Variants in NUTM2E observed in about 807,000 individuals in gnomAD.
NUTM2E encodes NUT family member 2E.
A neutral mutation model predicts 26.1 loss-of-function variants in NUTM2E; 3 were observed. The observed-to-expected ratio is 0.12, with a 90% confidence interval of 0.05 to 0.30. The LOEUF (loss-of-function observed/expected upper bound fraction) is 0.30, where lower values mean the gene tolerates loss of function less well. Ranked by LOEUF, NUTM2E falls within the 10% of genes least tolerant of loss-of-function variation. The pLI is 1.00. For synonymous variants in NUTM2E, 13 were observed against 157.5 expected, an observed-to-expected ratio of 0.08 and a Z score of 6.87; for missense variants, 62 against 381.3, an observed-to-expected ratio of 0.16 and a Z score of 6.97.
chr10:79,830,296 T>A (rs1431044138), intron 1 of NUTM2E, among the ~76,000 whole-genome samples: 1 of 151,710 alleles, frequency 6.6e-6, no homozygotes, highest in Non-Finnish European at 1.5e-5. Context: ...TGCATCTGGA[T>A]GGTTAAAAAA....
Position 79,827,221 on chromosome 10 carries a change from C to T in NUTM2E, c.-2864C>T, listed in dbSNP as rs2132409842. Reference sequence around the variant, plus strand: ...ATCTGTGTCTTTCGCTCTCGAGCCCCCAGCTAGAGTTGGCTTCAGCGGAAT... The same window carrying T: ...ATCTGTGTCTTTCGCTCTCGAGCCCTCAGCTAGAGTTGGCTTCAGCGGAAT... On this transcript the variant is annotated 5_prime_UTR_variant, in exon 1 of 10. Transcript: ENST00000429984. 6.6e-6 allele frequency: 1 copy of T among 152,478 alleles called. No individual in the cohort carries two copies. Among genetic ancestry groups the T allele is most frequent in the African/African-American group, 2.4e-5 (1 of 41,334 alleles). The allele number at this position is 152,478 out of a possible 1,614,324, so 9.4% of individuals were successfully genotyped here.
In NUTM2E at chr10:79,838,848, G is replaced by A. The variant is rs1421179644; in HGVS notation, c.-2381G>A. 5.3e-5 allele frequency among the ~76,000 whole-genome samples: 8 copies of A among 151,314 alleles called. No homozygotes were observed. The highest frequency in any genetic ancestry group is 3.3e-4 in the Admixed American group (5 of 15,188). On this transcript the variant is annotated 5_prime_UTR_variant, in exon 3 of 10. Transcript: ENST00000429984. ...ACCGCCCTTTGCTCTCGCGCTGCGC[G>A]TCTCCCTGCCATCAACCGCCGCAAC...
rs1292719527 is a variant in NUTM2E, at chr10:79,840,595, C to T, written c.-1146C>T. On this transcript the variant is annotated 5_prime_UTR_variant, in exon 4 of 10. Transcript: ENST00000429984. The stretch of plus-strand genomic sequence containing the variant: ...TGGGGCAGTGGGGGAGAACCCTGGG[C>T]TTGAGACTTGCAATCCACCACTTGC... Among the ~76,000 whole-genome samples, 9 of 147,640 alleles carry T rather than the reference C, an allele frequency of 6.1e-5. No individual in the cohort carries two copies. Among genetic ancestry groups the T allele is most frequent in the Middle Eastern group, 3.6e-3 (1 of 278 alleles).
rs528021688 is a variant in NUTM2E at position 79,840,971 on chromosome 10, C to T, written c.-770C>T. ...TTCCTATCATTTTGATACTAATAAA[C>T]GGACAGTGATTCTCAGTGTGGAAAT... On this transcript the variant is annotated 5_prime_UTR_variant, in exon 4 of 10. The change creates a new upstream start codon in the 5' untranslated region. Transcript: ENST00000429984. 4.9e-5 allele frequency among the ~76,000 whole-genome samples: 7 copies of T among 144,210 alleles called. No individual in the cohort carries two copies. Among genetic ancestry groups the T allele is most frequent in the Non-Finnish European group, 9.1e-5 (6 of 66,076 alleles). 94.6% of individuals were successfully genotyped at this position (144,210 alleles called of 152,430 possible).
At chr10:79,835,487 G>T (rs1472479732) in intron 1 of NUTM2E, among the ~76,000 whole-genome samples, 5 of 101,144 alleles carry the variant, frequency 4.9e-5, no homozygotes, top group Non-Finnish European at 1.0e-4. Context: ...GTATACATAT[G>T]CCCCTCTGAC....
At chr10:79,827,795 GTTTTTTTTTT>G (rs57414762) in intron 1 of NUTM2E, among the ~76,000 whole-genome samples, 3,526 of 127,758 alleles carry the variant, frequency 0.028, 112 homozygotes, top group Non-Finnish European at 0.04. Context: ...TTTTTTTTTT[GTTTTTTTTTT>G]TTTGTTTTTT....
intron 1 of NUTM2E, among the ~76,000 whole-genome samples, chr10:79,834,871 GTT>G (rs1365353488): frequency 2.0e-5 from 3 of 150,886 alleles, no homozygotes; most frequent in Admixed American, 2.0e-4. Context: ...AACTTTTTCT[GTT>G]ATATATCAAA....
At position 79,838,932 on chromosome 10, in the gene NUTM2E, G is replaced by A. The variant is rs370035994; in HGVS notation, c.-2297G>A. ...GCGCTGGAACCTCGCCCGCCTCAAG[G>A]CTCCTGCGGCGGCGCACAGGGCAGG... On this transcript the variant is annotated 5_prime_UTR_variant, in exon 3 of 10. Coordinates refer to ENST00000429984, the MANE Select transcript of NUTM2E (RefSeq NM_001355263.2). 0.18 allele frequency among the ~76,000 whole-genome samples: 26,735 copies of A among 146,282 alleles called. 3,079 individuals are homozygous for A. The highest frequency in any genetic ancestry group is 0.34 in the African/African-American group (13,210 of 38,658).
chr10:79,837,446 G>A (rs1431402249), intron 1 of NUTM2E, among the ~76,000 whole-genome samples: 5 of 152,144 alleles, frequency 3.3e-5, no homozygotes, highest in Non-Finnish European at 7.4e-5. Context: ...TTGCTTTGGG[G>A]AAATTAGTTT....
Position 79,839,678 on chromosome 10 carries a change from A to T in NUTM2E, c.-2063A>T, listed in dbSNP as rs1841987244. Among the ~76,000 whole-genome samples the T allele has an allele frequency of 6.6e-6, 1 of 151,940 alleles. No individual in the cohort carries two copies. Among genetic ancestry groups the T allele is most frequent in the Admixed American group, 6.6e-5 (1 of 15,242 alleles). On this transcript the variant is annotated 5_prime_UTR_variant, in exon 4 of 10. An upstream start codon of the reference 5' UTR is lost. Coordinates refer to ENST00000429984, the MANE Select transcript of NUTM2E (RefSeq NM_001355263.2). ...ATAACACTGAAGAGCCTTCACATTG[A>T]TGCAGGCCCAGGGCCTCAAGTGCAG...
chr10:79,831,586 T>G (rs1841927234), intron 1 of NUTM2E, among the ~76,000 whole-genome samples: 2 of 151,918 alleles, frequency 1.3e-5, no homozygotes, highest in Non-Finnish European at 2.9e-5. Context: ...ATATTGCATG[T>G]TCTCGTAAAG....
At chr10:79,839,510 A>G (rs530762515) in intron 3 of NUTM2E, among the ~76,000 whole-genome samples, 118 bp from the exon 4 acceptor site, 3,775 of 151,750 alleles carry the variant, frequency 0.025, 163 homozygotes, top group African/African-American at 0.084. Context: ...TGACTCTGCA[A>G]CACAGTGCAG....
In NUTM2E at chr10:79,837,254, G is replaced by C. The variant is rs772186373; in HGVS notation, c.-2727-1055G>C. ...TATGTGAACTGCAATCTTATTTTGA[G>C]AGCTAATGTAGAATTATGATTATAT... On this transcript the variant is annotated intron_variant, in intron 1 of 9. Coordinates refer to ENST00000429984, the MANE Select transcript of NUTM2E (RefSeq NM_001355263.2). Among the ~76,000 whole-genome samples, 86 of 151,928 alleles carry C rather than the reference G, an allele frequency of 5.7e-4. 3 individuals are homozygous for C. The highest frequency in any genetic ancestry group is 1.0e-3 in the Non-Finnish European group (68 of 67,976).
chr10:79,827,763 T>C (rs1778837904), intron 1 of NUTM2E, among the ~76,000 whole-genome samples: 1 of 150,482 alleles, frequency 6.6e-6, no homozygotes, highest in South Asian at 2.1e-4. Context: ...CACTCTCCCA[T>C]ACTAAATGAA....
rs1841983568 is a variant in NUTM2E at position 79,839,103 on chromosome 10, C to A, written c.-2126C>A. ...GAAACCAGCGCGTCCGCAACGATCA[C>A]TCCTAATTTTCGGTAATACAAACCT... On this transcript the variant is annotated 5_prime_UTR_variant, in exon 3 of 10. Transcript: ENST00000429984. Among the ~76,000 whole-genome samples the A allele has an allele frequency of 1.3e-5, 2 of 151,566 alleles. No individual in the cohort carries two copies. The highest frequency in any genetic ancestry group is 2.4e-5 in the African/African-American group (1 of 41,300).
rs1841982859 is a variant in NUTM2E at position 79,839,046 on chromosome 10, C to T, written c.-2183C>T. Among the ~76,000 whole-genome samples the T allele has an allele frequency of 6.6e-6, 1 of 150,594 alleles. No individual in the cohort carries two copies. Among genetic ancestry groups the T allele is most frequent in the Non-Finnish European group, 1.5e-5 (1 of 67,486 alleles). Reference sequence around the variant, plus strand: ...TGCTTCCTGGGGCCAGACAACGCCCCCTCATTGGAACCTCCATGACCGTGC... The same window carrying T: ...TGCTTCCTGGGGCCAGACAACGCCCTCTCATTGGAACCTCCATGACCGTGC... On this transcript the variant is annotated 5_prime_UTR_variant, in exon 3 of 10. Transcript: ENST00000429984.
At chr10:79,836,931 G>GA (rs1432698665) in intron 1 of NUTM2E, among the ~76,000 whole-genome samples, 20 of 151,832 alleles carry the variant, frequency 1.3e-4, no homozygotes, top group South Asian at 2.1e-4. Context: ...CCACCTGCAA[G>GA]AAAAAATGCC....
chr10:79,838,147 G>T (rs1427623075), intron 1 of NUTM2E, among the ~76,000 whole-genome samples, 162 bp from the exon 2 acceptor site: 2 of 150,390 alleles, frequency 1.3e-5, no homozygotes, highest in African/African-American at 4.9e-5. Context: ...AAAACCTATG[G>T]CTTTACTGCA....
At chr10:79,839,547 T>C (rs569672835) in intron 3 of NUTM2E, among the ~76,000 whole-genome samples, 81 bp from the exon 4 acceptor site, 1 of 151,820 alleles carries the variant, frequency 6.6e-6, no homozygotes, top group South Asian at 2.1e-4. Flanking sequence ...AAAAAACTAG[T>C]AGAGAAGCAA....
Sources: allele counts gnomAD v4.1 joint callset (sites outside exome capture counted in the v4.1 genomes callset), GRCh38; gene constraint gnomAD v4.1.1; transcripts MANE v1.5; gene names NCBI Gene and HGNC (gene_info 2026-07-23, HGNC 2026-07-21).